The following TRMT11 variants were observed in gnomAD, a reference collection of about 807,000 sequenced individuals.
The protein encoded by TRMT11 is tRNA methyltransferase 11.
Under a neutral mutation model 62.8 loss-of-function variants are expected in TRMT11, and 53 were observed. That is an observed-to-expected ratio of 0.84 (90% confidence interval 0.68 to 1.06). The LOEUF is 1.06. Among genes scored for constraint, TRMT11 ranks in the 50% least tolerant of loss-of-function variants. The pLI, the probability that TRMT11 is intolerant of heterozygous loss-of-function variation, is 0.00. For synonymous variants in TRMT11, 188 were observed against 190.3 expected, an observed-to-expected ratio of 0.99 and a Z score of 0.10; for missense variants, 556 against 553.4, an observed-to-expected ratio of 1.00 and a Z score of -0.05.
chr6:126,145,591 A>G (rs1298380747), intron 21 of TRMT11, among the ~76,000 whole-genome samples: 3 of 152,132 alleles, frequency 2.0e-5, no homozygotes, highest in Non-Finnish European at 4.4e-5. Flanking sequence ...GGCACTCCCC[A>G]GTAATGTAAG....
downstream of TRMT11, among the ~76,000 whole-genome samples, chr6:126,040,028 T>C (rs1369078480): frequency 6.6e-6 from 1 of 152,088 alleles, no homozygotes; most frequent in Non-Finnish European, 1.5e-5. Flanking sequence ...TGTGGTACAC[T>C]GGGGGGAAAT....
At chr6:126,107,182 T>A (rs1208823894) in intron 17 of TRMT11, among the ~76,000 whole-genome samples, 1 of 152,056 alleles carries the variant, frequency 6.6e-6, no homozygotes, top group Non-Finnish European at 1.5e-5. Flanking sequence ...AGAAAAAAAA[T>A]GAGAATATAG....
At chr6:126,000,226 G>A (rs535626552) in intron 7 of TRMT11, among the ~76,000 whole-genome samples, 1 of 152,092 alleles carries the variant, frequency 6.6e-6, no homozygotes, top group South Asian at 2.1e-4. Flanking sequence ...ATCTGACTCT[G>A]TGCAGACTTT....
At chr6:126,240,241 G>A in the TRMT11 span, among the ~76,000 whole-genome samples, 51 of 152,284 alleles carry the variant, frequency 3.3e-4, no homozygotes, top group Admixed American at 2.4e-3. Context: ...GCTTTGTTCC[G>A]TTGCTGGTGA....
rs145575702 is a variant in TRMT11, at chr6:126,180,426, G to T, written n.143+3091G>T. ...AGTCTATCATGTTCTCAGAAAGGAC[G>T]CAAGGACAATTTAGCAAGGATGTGT... On this transcript the variant is annotated intron_variant and non_coding_transcript_variant, in intron 1 of 3. Transcript: ENST00000444229. Among the ~76,000 whole-genome samples, 1,435 of 152,186 alleles carry T rather than the reference G, an allele frequency of 9.4e-3. 8 individuals are homozygous for T. The highest frequency in any genetic ancestry group is 0.017 in the Middle Eastern group (5 of 294).
At chr6:126,116,576 AGTGG>A (rs1465613578) in intron 21 of TRMT11, among the ~76,000 whole-genome samples, 1 of 152,116 alleles carries the variant, frequency 6.6e-6, no homozygotes, top group Non-Finnish European at 1.5e-5. Context: ...TAGTGCCACG[AGTGG>A]CACGTTGGAG....
At chr6:126,160,714 C>T (rs1778180036) in intron 21 of TRMT11, among the ~76,000 whole-genome samples, 1 of 152,128 alleles carries the variant, frequency 6.6e-6, no homozygotes, top group Admixed American at 6.6e-5. Context: ...ATGACGAGAC[C>T]TGTTTAATCC....
At chr6:126,215,357 C>G in the TRMT11 span, among the ~76,000 whole-genome samples, 4 of 151,962 alleles carry the variant, frequency 2.6e-5, no homozygotes, top group Non-Finnish European at 5.9e-5. Context: ...TTTTATATAT[C>G]TAGGTGCTCC....
At chr6:126,008,510 G>A (rs747250369) in intron 8 of TRMT11, 38 bp downstream of exon 8, 8 of 1,543,420 alleles carry the variant, frequency 5.2e-6, no homozygotes, top group Middle Eastern at 3.4e-4. Context: ...AGTCATTGCT[G>A]TGGTGCCAAA....
At chr6:126,264,814 C>A in the TRMT11 span, among the ~76,000 whole-genome samples, 3 of 152,082 alleles carry the variant, frequency 2.0e-5, no homozygotes, top group Non-Finnish European at 4.4e-5. Context: ...GTATCTCTAG[C>A]CTGCCTGCCT....
chr6:126,029,186 A>T (rs895014888), intron 12 of TRMT11, among the ~76,000 whole-genome samples: 1 of 152,198 alleles, frequency 6.6e-6, no homozygotes, highest in Non-Finnish European at 1.5e-5. Context: ...TCAAATTCAC[A>T]TGTAAACTTA....
At chr6:126,237,241 C>G in the TRMT11 span, among the ~76,000 whole-genome samples, 3 of 152,280 alleles carry the variant, frequency 2.0e-5, no homozygotes, top group African/African-American at 7.2e-5. Context: ...CCCTTAAGCT[C>G]TCCTCTGGGA....
intron 17 of TRMT11, among the ~76,000 whole-genome samples, chr6:126,106,496 G>A (rs1256370264): frequency 1.3e-5 from 2 of 152,036 alleles, no homozygotes; most frequent in Non-Finnish European, 1.5e-5. Context: ...ACTACTTCTC[G>A]CGCTGTTGGA....
chr6:126,003,277 T>A (rs965420082), intron 7 of TRMT11, among the ~76,000 whole-genome samples: 8 of 152,020 alleles, frequency 5.3e-5, no homozygotes, highest in Non-Finnish European at 8.8e-5. Context: ...TTTTTGCAAT[T>A]TTTTTTAGCT....
At chr6:126,233,336 A>G in the TRMT11 span, among the ~76,000 whole-genome samples, 1 of 152,190 alleles carries the variant, frequency 6.6e-6, no homozygotes, top group East Asian at 1.9e-4. Flanking sequence ...GGAAATTACC[A>G]GGGCTCTACA....
At chr6:126,026,864 G>A (rs562018029) in intron 12 of TRMT11, among the ~76,000 whole-genome samples, 2 of 146,396 alleles carry the variant, frequency 1.4e-5, no homozygotes, top group African/African-American at 5.1e-5. Context: ...GTGCAGTGGC[G>A]GGATCTCAGC....
chr6:126,088,041 C>G (rs1424306709), intron 17 of TRMT11, among the ~76,000 whole-genome samples: 1 of 152,058 alleles, frequency 6.6e-6, no homozygotes, highest in Admixed American at 6.6e-5. Context: ...CTCTGTTATT[C>G]ACTTTAAAAA....
intron 21 of TRMT11, among the ~76,000 whole-genome samples, chr6:126,122,044 G>T (rs1195983913): frequency 6.6e-6 from 1 of 152,032 alleles, no homozygotes; most frequent in East Asian, 1.9e-4. Context: ...TTCCCATGCT[G>T]TTCTTGTGAT....
intron 21 of TRMT11, among the ~76,000 whole-genome samples, chr6:126,140,107 A>G (rs1375057292): frequency 6.6e-6 from 1 of 152,080 alleles, no homozygotes; most frequent in Non-Finnish European, 1.5e-5. Flanking sequence ...AAGATTAAAA[A>G]TGAGGTATTA....
Sources: allele counts gnomAD v4.1 joint callset (sites outside exome capture counted in the v4.1 genomes callset), GRCh38; gene constraint gnomAD v4.1.1; transcripts MANE v1.5; gene names NCBI Gene and HGNC (gene_info 2026-07-23, HGNC 2026-07-21).